The following CDC14A variants were observed in gnomAD, a reference collection of about 807,000 sequenced individuals.
The protein encoded by CDC14A is dual specificity protein phosphatase CDC14A.
CDC14A carries 53 observed loss-of-function variants against 74.4 expected under a neutral mutation model. The ratio of observed to expected loss-of-function variants is 0.71; its 90% CI spans 0.57 to 0.89. The LOEUF (loss-of-function observed/expected upper bound fraction) is 0.89. Ranked by LOEUF, CDC14A falls within the 40% of genes least tolerant of loss-of-function variation. CDC14A has a pLI of 0.00. For missense variants in CDC14A, 646 were observed against 713.7 expected (o/e 0.91, Z 1.08); for synonymous variants, 247 against 258.4 (o/e 0.96, Z 0.43).
Position 100,447,921 on chromosome 1 carries a change from G to C in CDC14A, c.519+4925G>C, listed in dbSNP as rs565385718. On this transcript the variant is annotated intron_variant, in intron 7 of 15. Coordinates refer to ENST00000336454, the MANE Select transcript of CDC14A (RefSeq NM_003672.4). ...TGTTAAGCAGTTATTATTTATCAGA[G>C]AGAATTTGAAGTTATGTCTCTAGTT... 9.8e-4 allele frequency among the ~76,000 whole-genome samples: 149 copies of C among 152,322 alleles called. 2 individuals carry two copies. The highest frequency in any genetic ancestry group is 1.5e-3 in the Admixed American group (23 of 15,296).
chr1:100,509,266 C>T (rs1487406789), intron 15 of CDC14A, among the ~76,000 whole-genome samples: 2 of 152,190 alleles, frequency 1.3e-5, no homozygotes, highest in African/African-American at 4.8e-5. Flanking sequence ...CAGACCATAG[C>T]AATCATGATG....
upstream of CDC14A, among the ~76,000 whole-genome samples, chr1:100,352,070 A>C (rs1385886883): frequency 6.6e-6 from 1 of 151,538 alleles, no homozygotes; most frequent in Non-Finnish European, 1.5e-5. Context: ...AAAGAGAATG[A>C]GAGAGAGAGA....
intron 4 of CDC14A, among the ~76,000 whole-genome samples, chr1:100,403,888 G>A (rs942041657): frequency 6.6e-6 from 1 of 152,092 alleles, no homozygotes; most frequent in Non-Finnish European, 1.5e-5. Context: ...CTAAGTGTGG[G>A]CTGAAAAGTT....
Position 100,499,033 on chromosome 1 carries a change from C to G in CDC14A, c.1526C>G (p.Thr509Arg), listed in dbSNP as rs780237064. 1.9e-6 allele frequency: 3 copies of G among 1,614,074 alleles called. No individual in the cohort carries two copies. Among genetic ancestry groups the G allele is most frequent in the East Asian group, 2.2e-5 (1 of 44,888 alleles). ...KTSSSSKAGF[T>R]ASPFTNLLNG... ...TCCTCATCCTCTAAGGCAGGCTTCA[C>G]AGCCAGCCCGTTTACCAACCTCTTG... The change falls in exon 15 of 16, where the codon ACA (threonine) becomes AGA (arginine). Residue 509 changes from threonine to arginine, a missense_variant. Transcript: ENST00000336454.
intron 2 of CDC14A, among the ~76,000 whole-genome samples, chr1:100,365,419 CTG>C (rs1182512008): frequency 6.6e-6 from 1 of 152,180 alleles, no homozygotes; most frequent in East Asian, 1.9e-4. Flanking sequence ...GTCATAGACT[CTG>C]TAGAGTCTAT....
At chr1:100,481,397 G>A (rs1669459495) in intron 10 of CDC14A, among the ~76,000 whole-genome samples, 1 of 152,166 alleles carries the variant, frequency 6.6e-6, no homozygotes, top group Non-Finnish European at 1.5e-5. Context: ...GGACAGGTCA[G>A]CCACACACAG....
intron 10 of CDC14A, among the ~76,000 whole-genome samples, chr1:100,471,306 A>G (rs1347205181): frequency 1.3e-5 from 2 of 152,174 alleles, no homozygotes; most frequent in African/African-American, 4.8e-5. Flanking sequence ...AGAACTTTCT[A>G]GAGTGTTGGA....
At chr1:100,405,953 C>A (rs191771482) in intron 4 of CDC14A, among the ~76,000 whole-genome samples, 4 of 152,306 alleles carry the variant, frequency 2.6e-5, no homozygotes, top group Admixed American at 2.6e-4. Flanking sequence ...GGAATCGCCA[C>A]ACTGTCTTCC....
At chr1:100,461,002 G>A (rs1667260242) in intron 8 of CDC14A, among the ~76,000 whole-genome samples, 1 of 152,196 alleles carries the variant, frequency 6.6e-6, no homozygotes, top group Admixed American at 6.5e-5. Flanking sequence ...ACCACACTAG[G>A]CATTTCAAAC....
At chr1:100,358,655 G>A (rs1009431126) in intron 2 of CDC14A, among the ~76,000 whole-genome samples, 2 of 152,184 alleles carry the variant, frequency 1.3e-5, no homozygotes, top group African/African-American at 4.8e-5. Context: ...GAACTAATTA[G>A]CTAAATGGAA....
At chr1:100,357,799 A>G (rs1652136317) in intron 2 of CDC14A, among the ~76,000 whole-genome samples, 1 of 151,676 alleles carries the variant, frequency 6.6e-6, no homozygotes, top group Non-Finnish European at 1.5e-5. Flanking sequence ...TTATCACCTT[A>G]GAAGCGATTG....
At chr1:100,430,022 G>A (rs1377141694) in intron 5 of CDC14A, among the ~76,000 whole-genome samples, 1 of 151,832 alleles carries the variant, frequency 6.6e-6, no homozygotes. Flanking sequence ...ACTGCATCTG[G>A]CCCAGAATTT....
intron 2 of CDC14A, among the ~76,000 whole-genome samples, chr1:100,356,858 TAAA>T (rs11448846): frequency 1.4e-5 from 1 of 70,788 alleles, no homozygotes; most frequent in Non-Finnish European, 2.6e-5. Flanking sequence ...AGACTCTGTC[TAAA>T]AAAAAAAAAA....
Position 100,353,799 on chromosome 1 carries a change from A to G in CDC14A, c.87A>G (p.Lys29=). 6.2e-7 allele frequency: 1 copy of G among 1,608,850 alleles called. No individual in the cohort carries two copies. The highest frequency in any genetic ancestry group is 8.5e-7 in the Non-Finnish European group (1 of 1,176,250). ...TTGCTACTTTAAGGAATAGACCAAA[A>G]AGCACAGTAAATACCCACTATTTCT... ...LYFATLRNRP[K]STVNTHYFSI... is the part of the protein sequence containing the mutation. Residue 29 remains lysine (K), a synonymous_variant, in exon 2 of 16, where the codon AAA becomes AAG. Coordinates refer to ENST00000336454, the MANE Select transcript of CDC14A (RefSeq NM_003672.4).
intron 4 of CDC14A, among the ~76,000 whole-genome samples, chr1:100,410,244 G>GT (rs1050564042): frequency 5.3e-5 from 8 of 151,576 alleles, no homozygotes; most frequent in Admixed American, 2.0e-4. Context: ...TTTTATTTTA[G>GT]TTTTTTTTCC....
chr1:100,470,935 TA>T (rs1274822137), intron 10 of CDC14A, among the ~76,000 whole-genome samples: 4 of 152,196 alleles, frequency 2.6e-5, no homozygotes, highest in Non-Finnish European at 5.9e-5. Flanking sequence ...GGTATTTAAA[TA>T]AGGGAAATGG....
At chr1:100,487,581 A>AAAACC (rs1557816724) in intron 11 of CDC14A, among the ~76,000 whole-genome samples, 2 of 137,340 alleles carry the variant, frequency 1.5e-5, no homozygotes, top group South Asian at 4.1e-4. Flanking sequence ...AGAACAAAAC[A>AAAACC]AAACAAAACA....
chr1:100,417,236 G>A (rs150160589), intron 4 of CDC14A, among the ~76,000 whole-genome samples: 3 of 152,286 alleles, frequency 2.0e-5, no homozygotes, highest in East Asian at 1.9e-4. Context: ...TAAACACTGC[G>A]ATGATGCAAG....
At chr1:100,500,944 A>C (rs1478313598) in intron 15 of CDC14A, among the ~76,000 whole-genome samples, 2 of 151,268 alleles carry the variant, frequency 1.3e-5, no homozygotes, top group African/African-American at 4.9e-5. Context: ...CTCTCAACCC[A>C]TTCCCTAAGA....
Sources: allele counts gnomAD v4.1 joint callset (sites outside exome capture counted in the v4.1 genomes callset), GRCh38; gene constraint gnomAD v4.1.1; transcripts MANE v1.5; gene names NCBI Gene and HGNC (gene_info 2026-07-23, HGNC 2026-07-21).